The following CACNA1G variants were observed in gnomAD, a reference collection of about 807,000 sequenced individuals.
The protein encoded by CACNA1G is calcium voltage-gated channel subunit alpha1 G.
Under a neutral mutation model 219.4 loss-of-function variants are expected in CACNA1G, and 67 were observed. The observed-to-expected ratio is 0.31, with a 90% CI of 0.25 to 0.37. The LOEUF (loss-of-function observed/expected upper bound fraction) is 0.37. CACNA1G is among the 10% of genes least tolerant of loss of function. CACNA1G has a pLI of 1.00. For synonymous variants in CACNA1G, 1,296 were observed against 1,345.3 expected (o/e 0.96, Z 0.80); for missense variants, 2,380 against 3,231.4 (o/e 0.74, Z 6.39).
In CACNA1G at chr17:50,572,725, C is replaced by T; in HGVS notation, c.918C>T (p.Asn306=). 1.9e-6 allele frequency: 3 copies of T among 1,613,982 alleles called. No individual in the cohort carries two copies. The highest frequency in any genetic ancestry group is 2.5e-6 in the Non-Finnish European group (3 of 1,179,872). Reference sequence around the variant, plus strand: ...GCGGTCTGGACTATGAGGCCTACAACAGCTCCAGCAACACCACCTGTGTCA... The same window carrying T: ...GCGGTCTGGACTATGAGGCCTACAATAGCTCCAGCAACACCACCTGTGTCA... ...PPCGLDYEAY[N]SSSNTTCVNW... Residue 306 remains asparagine (N), a synonymous_variant, in exon 6 of 38, where the codon AAC becomes AAT. Coordinates refer to ENST00000359106, the MANE Select transcript of CACNA1G (RefSeq NM_018896.5).
Position 50,624,009 on chromosome 17 carries a change from C to A in CACNA1G, c.6163C>A (p.Arg2055=). 6.2e-7 allele frequency: 1 copy of A among 1,613,088 alleles called. No homozygotes were observed. The highest frequency in any genetic ancestry group is 8.5e-7 in the Non-Finnish European group (1 of 1,179,808). ...TCTGCCCAATGACAGCTACATGTGT[C>A]GGCATGGGAGCACTGCCGAGGGGCC... The part of the protein sequence containing the change: ...HSLPNDSYMC[R]HGSTAEGPLG... Residue 2055 remains arginine, a synonymous_variant, in exon 36 of 38, where the codon CGG becomes AGG. Transcript: ENST00000359106.
chr17:50,591,671 C>A, intron 11 of CACNA1G, 51 bp downstream of exon 11: 1 of 1,609,150 alleles, frequency 6.2e-7, no homozygotes, highest in Non-Finnish European at 8.5e-7. Context: ...AGGCTGGGGG[C>A]AGGAGGGCCT....
intron 9 of CACNA1G, among the ~76,000 whole-genome samples, chr17:50,586,330 C>T (rs536301307): frequency 6.6e-6 from 1 of 152,158 alleles, no homozygotes; most frequent in African/African-American, 2.4e-5. Flanking sequence ...GACCTTGTAG[C>T]CTTCTCTCCC....
At chr17:50,593,865 T>C (rs2044912995) in intron 13 of CACNA1G, among the ~76,000 whole-genome samples, 1 of 152,190 alleles carries the variant, frequency 6.6e-6, no homozygotes, top group African/African-American at 2.4e-5. Context: ...GTTGCTCCCC[T>C]GTCCTGCATG....
intron 1 of CACNA1G, among the ~76,000 whole-genome samples, chr17:50,565,351 G>C (rs1453792828): frequency 1.3e-5 from 2 of 148,892 alleles, no homozygotes; most frequent in African/African-American, 4.9e-5. Flanking sequence ...GCGTGGTGAG[G>C]GGGGAACCAC....
Position 50,599,610 on chromosome 17 carries a change from A to C in CACNA1G, c.3441A>C (p.Glu1147Asp), listed in dbSNP as rs375496086. 661 of 1,613,192 alleles carry C rather than the reference A, an allele frequency of 4.1e-4. 1 individual carries two copies. The highest frequency in any genetic ancestry group is 5.3e-4 in the Non-Finnish European group (624 of 1,179,596). ...GCCAGGATGAAGAGGAGAGCTCAGAAGAGGAGCGGGCCAGCCCTGCGGGCA... is the reference window on the plus strand; with the variant it reads ...GCCAGGATGAAGAGGAGAGCTCAGACGAGGAGCGGGCCAGCCCTGCGGGCA... Reference protein sequence around the residue: ...QESQDEEESSEEERASPAGSD... With the variant: ...QESQDEEESSDEERASPAGSD... The change falls in exon 17 of 38, where the codon GAA (glutamate) becomes GAC (aspartate). Residue 1147 changes from glutamate to aspartate, a missense_variant. Glu to Asp is a conservative substitution (Grantham distance 45). This residue lies in a region of CACNA1G where 418 missense variants were observed against 434.3 expected (regional missense o/e 0.96). Coordinates refer to ENST00000359106, the MANE Select transcript of CACNA1G (RefSeq NM_018896.5).
At chr17:50,580,359 C>T (rs2041680435) in intron 9 of CACNA1G, among the ~76,000 whole-genome samples, 1 of 152,028 alleles carries the variant, frequency 6.6e-6, no homozygotes, top group East Asian at 1.9e-4. Context: ...AGCCTCCTTT[C>T]CCTCACCCCT....
intron 10 of CACNA1G, among the ~76,000 whole-genome samples, chr17:50,591,120 T>C (rs1310654588): frequency 6.6e-6 from 1 of 152,242 alleles, no homozygotes; most frequent in Non-Finnish European, 1.5e-5. Flanking sequence ...GAATTGGCTT[T>C]AGATTTCATT....
chr17:50,611,447 G>A (rs2049191572), intron 26 of CACNA1G, among the ~76,000 whole-genome samples: 1 of 152,046 alleles, frequency 6.6e-6, no homozygotes, highest in Admixed American at 6.6e-5. Flanking sequence ...ACCCAAGAGA[G>A]AACCCCTGAG....
chr17:50,604,148 TC>T lies in CACNA1G; in HGVS notation c.4170-3del. On this transcript the variant is annotated splice_region_variant and splice_polypyrimidine_tract_variant and intron_variant, in intron 21 of 37. Coordinates refer to ENST00000359106, the MANE Select transcript of CACNA1G (RefSeq NM_018896.5). ...AGCCTTATCACCTCCCTCCCTCCCCTCCCCAGGGTGATCAGCCGGGCGCAGG... is the reference window on the plus strand; with the variant it reads ...AGCCTTATCACCTCCCTCCCTCCCCTCCCAGGGTGATCAGCCGGGCGCAGG... The T allele has an allele frequency of 6.2e-7, 1 of 1,610,356 alleles. No homozygotes were observed. The highest frequency in any genetic ancestry group is 8.5e-7 in the Non-Finnish European group (1 of 1,177,312).
chr17:50,627,353 AAAAAAG>A lies in CACNA1G; in HGVS notation c.*614_*619del, dbSNP rs1567815921. ...TCGTCATCATTTTCTGTAGGGAAAA[AAAAAAG>A]AAAAAGAAAAAATGAGATTTTACAA... On this transcript the variant is annotated 3_prime_UTR_variant, in exon 38 of 38. Transcript: ENST00000359106. 2.5e-6 allele frequency: 1 copy of A among 400,334 alleles called. No individual in the cohort carries two copies. The highest frequency in any genetic ancestry group is 4.8e-6 in the Non-Finnish European group (1 of 206,724). The allele number at this position is 400,334 out of a possible 1,614,324, so 24.8% of individuals were successfully genotyped here.
At chr17:50,622,973 G>A (rs1000402718) in intron 35 of CACNA1G, among the ~76,000 whole-genome samples, 1 of 152,040 alleles carries the variant, frequency 6.6e-6, no homozygotes, top group Non-Finnish European at 1.5e-5. Flanking sequence ...TGTAAGAACT[G>A]GATGAACAGC....
Position 50,618,969 on chromosome 17 carries a change from C to A in CACNA1G, c.5742C>A (p.His1914Gln), listed in dbSNP as rs200604758. The A allele has an allele frequency of 6.4e-7, 1 of 1,552,538 alleles. No individual in the cohort carries two copies. The highest frequency in any genetic ancestry group is 1.2e-5 in the South Asian group (1 of 81,802). Reference sequence around the variant, plus strand: ...CTGGGGCTCTGCACCCAGCGGCCCACGCGAGATCAGCCTCCCACTTTTCCC... The same window carrying A: ...CTGGGGCTCTGCACCCAGCGGCCCAAGCGAGATCAGCCTCCCACTTTTCCC... ...PKPGALHPAA[H>Q]ARSASHFSLE... The change falls in exon 33 of 38, where the codon CAC (histidine) becomes CAA (glutamine). Residue 1914 changes from histidine (H) to glutamine (Q), a missense_variant. His to Gln is a conservative substitution (Grantham distance 24). Transcript: ENST00000359106. The surrounding 1 kb of genome is among the most constrained non-coding windows in gnomAD (Gnocchi z 5.3).
At chr17:50,588,453 T>C (rs1362628096) in intron 9 of CACNA1G, among the ~76,000 whole-genome samples, 2 of 79,750 alleles carry the variant, frequency 2.5e-5, no homozygotes, top group Admixed American at 2.6e-4. Context: ...GTTTGCCGAC[T>C]CCCGCTCCCT....
rs759538809 is a variant in CACNA1G, at chr17:50,626,962, G to C, written c.*211G>C. On this transcript the variant is annotated 3_prime_UTR_variant, in exon 38 of 38. Coordinates refer to ENST00000359106, the MANE Select transcript of CACNA1G (RefSeq NM_018896.5). The surrounding 1 kb of genome is among the most constrained non-coding windows in gnomAD (Gnocchi z 4.3). ...GCAACTCTGGCTCCAGGCAGAAGGA[G>C]AGGCCCGGTGCAGCTGAGGTTCCCG... 11 of 707,228 alleles carry C rather than the reference G, an allele frequency of 1.6e-5. No homozygotes were observed. The highest frequency in any genetic ancestry group is 2.8e-5 in the Non-Finnish European group (11 of 392,160). 43.8% of individuals were successfully genotyped at this position (707,228 alleles called of 1,614,324 possible).
intron 9 of CACNA1G, among the ~76,000 whole-genome samples, chr17:50,588,902 G>A (rs1170053336): frequency 6.6e-6 from 1 of 152,194 alleles, no homozygotes; most frequent in African/African-American, 2.4e-5. Flanking sequence ...TCCCATCCAA[G>A]CTGGCTGCAC....
rs1412219837 is a variant in CACNA1G, at chr17:50,603,322, C to A, written c.4169+123C>A. On this transcript the variant is annotated intron_variant, in intron 21 of 37. Transcript: ENST00000359106. This position sits in a 1 kb window ranked among gnomAD's most constrained non-coding sequence, Gnocchi z 6.4. ...GCACAGGCCAGCATCCTGTCTGTGA[C>A]CCCCACAGGCGATCCTGTCCCCGCC... 2.1e-5 allele frequency: 17 copies of A among 802,720 alleles called. No homozygotes were observed. The highest frequency in any genetic ancestry group is 3.3e-5 in the Non-Finnish European group (17 of 510,914). The allele number at this position is 802,720 out of a possible 1,614,324, so 49.7% of individuals were successfully genotyped here.
Position 50,589,231 on chromosome 17 carries a change from G to T in CACNA1G, c.2302-1240G>T, listed in dbSNP as rs1275039714. Among the ~76,000 whole-genome samples the T allele has an allele frequency of 2.6e-5, 4 of 152,030 alleles. No homozygotes were observed. The East Asian group carries it at 7.7e-4, about 29-fold the overall frequency. On this transcript the variant is annotated intron_variant, in intron 9 of 37. Coordinates refer to ENST00000359106, the MANE Select transcript of CACNA1G (RefSeq NM_018896.5). ...CTTCAACCAGAACCAGGCTGAGGTT[G>T]CTCATGATCCCCCCACCCCGTGCCA...
At chr17:50,607,193 T>C (rs1005139288) in intron 24 of CACNA1G, 25 of 630,132 alleles carry the variant, frequency 4.0e-5, no homozygotes, top group Non-Finnish European at 7.0e-5. Flanking sequence ...TTTGAATTAG[T>C]GATGAATATT....
Sources: gnomAD v4.1 joint callset for allele counts (sites outside exome capture counted in the v4.1 genomes callset) on GRCh38, gnomAD v4.1.1 for gene constraint, gnomAD v4.1.1 regional missense constraint, Gnocchi (gnomAD v3.1) non-coding constraint, MANE v1.5 for transcripts, NCBI Gene and HGNC (gene_info 2026-07-23, HGNC 2026-07-21) for gene names.